Variants in DOCK10 observed in about 807,000 individuals in gnomAD.
The protein encoded by DOCK10 is dedicator of cytokinesis 10.
In DOCK10, 145 loss-of-function variants were observed where a neutral mutation model predicts 280.1. The observed-to-expected ratio is 0.52, with a 90% CI of 0.45 to 0.59. DOCK10 has a LOEUF of 0.59. DOCK10 is among the 20% of genes least tolerant of loss of function. The pLI, the probability that DOCK10 is intolerant of heterozygous loss-of-function variation, is 0.00. For missense variants in DOCK10, 2,368 were observed against 2,651.7 expected (o/e 0.89, Z 2.35); for synonymous variants, 915 against 942.2 (o/e 0.97, Z 0.53).
At chr2:224,885,502 C>T (rs563580626) in intron 7 of DOCK10, among the ~76,000 whole-genome samples, 169 bp downstream of exon 7, 2 of 152,196 alleles carry the variant, frequency 1.3e-5, no homozygotes, top group African/African-American at 4.8e-5. Context: ...TTTTCTTTCT[C>T]TCTGGAAAGT....
intron 27 of DOCK10, among the ~76,000 whole-genome samples, chr2:224,828,277 G>A (rs1305731080): frequency 6.6e-6 from 1 of 152,176 alleles, no homozygotes; most frequent in African/African-American, 2.4e-5. Flanking sequence ...CAGAAAGTAA[G>A]GGCAGGTAAC....
chr2:224,813,429 C>T (rs1459931023), intron 31 of DOCK10, among the ~76,000 whole-genome samples: 1 of 152,162 alleles, frequency 6.6e-6, no homozygotes, highest in East Asian at 1.9e-4. Flanking sequence ...CTCCTGGCCT[C>T]AAGTGATCTG....
chr2:224,791,426 C>T (rs1378940367), intron 47 of DOCK10, among the ~76,000 whole-genome samples: 2 of 151,944 alleles, frequency 1.3e-5, no homozygotes, highest in Non-Finnish European at 2.9e-5. Context: ...AACAAGTGAC[C>T]TCACTGTCTC....
At chr2:224,985,392 T>G (rs1048385687) in intron 1 of DOCK10, among the ~76,000 whole-genome samples, 2 of 151,414 alleles carry the variant, frequency 1.3e-5, no homozygotes, top group African/African-American at 4.8e-5. Flanking sequence ...TTATTGTATG[T>G]TATTTCATAT....
At chr2:225,013,742 T>A (rs1304097674) in intron 1 of DOCK10, among the ~76,000 whole-genome samples, 1 of 152,158 alleles carries the variant, frequency 6.6e-6, no homozygotes, top group Non-Finnish European at 1.5e-5. Context: ...TACTGCCAGT[T>A]TTTGAAACAG....
chr2:224,825,919 T>A (rs1434857472), intron 27 of DOCK10, among the ~76,000 whole-genome samples: 1 of 152,148 alleles, frequency 6.6e-6, no homozygotes, highest in Non-Finnish European at 1.5e-5. Flanking sequence ...CTGGGATGCA[T>A]GGGCAGAACT....
intron 29 of DOCK10, among the ~76,000 whole-genome samples, chr2:224,819,240 A>G (rs1400531943): frequency 6.6e-6 from 1 of 152,136 alleles, no homozygotes; most frequent in Non-Finnish European, 1.5e-5. Context: ...AAATGTAAAC[A>G]CTTTCATTCC....
At chr2:224,783,829 G>C (rs1691536578) in intron 50 of DOCK10, among the ~76,000 whole-genome samples, 1 of 152,052 alleles carries the variant, frequency 6.6e-6, no homozygotes, top group Non-Finnish European at 1.5e-5. Context: ...GGTATGGTAT[G>C]AATGTGGGAA....
At chr2:224,779,945 C>A (rs1295332780) in intron 50 of DOCK10, among the ~76,000 whole-genome samples, 1 of 152,104 alleles carries the variant, frequency 6.6e-6, no homozygotes, top group African/African-American at 2.4e-5. Context: ...ACATTGCATG[C>A]CCAGTGTTTA....
chr2:224,797,714 T>G (rs1213693992), intron 42 of DOCK10, 118 bp downstream of exon 42: 13 of 1,226,484 alleles, frequency 1.1e-5, no homozygotes, highest in Non-Finnish European at 6.8e-6. Flanking sequence ...AAACCCAAAT[T>G]GAAGAAAACA....
chr2:224,804,000 ATG>A (rs71062961), intron 39 of DOCK10, 110 bp downstream of exon 39: 97,935 of 444,846 alleles, frequency 0.22, 4,362 homozygotes, highest in African/African-American at 0.42. Context: ...AAATAGAAAT[ATG>A]TGTGTGTGTG....
intron 1 of DOCK10, among the ~76,000 whole-genome samples, chr2:225,000,199 CACACAG>C (rs1706391700): frequency 8.0e-6 from 1 of 125,632 alleles, no homozygotes; most frequent in African/African-American, 2.8e-5. Context: ...GTCACACACA[CACACAG>C]ACACACACAC....
Position 224,852,456 on chromosome 2 carries a change from G to C in DOCK10, c.2077-14C>G, listed in dbSNP as rs1400692095. On this transcript the variant is annotated splice_polypyrimidine_tract_variant and intron_variant, in intron 17 of 55. Coordinates refer to ENST00000258390, the MANE Select transcript of DOCK10 (RefSeq NM_014689.3). Reference sequence around the variant, plus strand: ...TATATTCCGTGCCTGAAATTACGGAGAGAAAAAATGGAAATTGTAATTTCC... The same window carrying C: ...TATATTCCGTGCCTGAAATTACGGACAGAAAAAATGGAAATTGTAATTTCC... The C allele has an allele frequency of 6.5e-7, 1 of 1,544,754 alleles. No homozygotes were observed. The highest frequency in any genetic ancestry group is 1.4e-5 in the African/African-American group (1 of 72,956).
At chr2:225,000,446 C>A (rs1706402103) in intron 1 of DOCK10, among the ~76,000 whole-genome samples, 1 of 152,184 alleles carries the variant, frequency 6.6e-6, no homozygotes, top group African/African-American at 2.4e-5. Context: ...GTTGAGTTCT[C>A]TAGCAAAGGA....
At chr2:224,844,912 T>C in intron 21 of DOCK10, 73 bp from the exon 22 acceptor site, 1 of 1,111,314 alleles carries the variant, frequency 9.0e-7, no homozygotes, top group Non-Finnish European at 1.3e-6. Context: ...GTTTAGTTTA[T>C]GTTAATGTGC....
At chr2:224,920,459 A>G (rs1207687157) in intron 2 of DOCK10, among the ~76,000 whole-genome samples, 1 of 152,132 alleles carries the variant, frequency 6.6e-6, no homozygotes, top group Non-Finnish European at 1.5e-5. Flanking sequence ...GATAAATAGT[A>G]AATAAACTAT....
intron 1 of DOCK10, among the ~76,000 whole-genome samples, chr2:225,021,861 G>A (rs1422260177): frequency 6.6e-6 from 1 of 152,130 alleles, no homozygotes; most frequent in East Asian, 1.9e-4. Flanking sequence ...CAGTTTTTTG[G>A]GGAGGCACTT....
chr2:224,956,172 T>C (rs561654200), intron 1 of DOCK10, among the ~76,000 whole-genome samples: 4 of 152,324 alleles, frequency 2.6e-5, no homozygotes, highest in African/African-American at 7.2e-5. Context: ...ACCTGGACAA[T>C]AGTAGGACTT....
chr2:224,958,062 C>T (rs1704156034), intron 1 of DOCK10, among the ~76,000 whole-genome samples: 1 of 152,196 alleles, frequency 6.6e-6, no homozygotes, highest in African/African-American at 2.4e-5. Flanking sequence ...TCCCTAACCT[C>T]TCTGGAAATG....
Sources: allele counts gnomAD v4.1 joint callset (sites outside exome capture counted in the v4.1 genomes callset), GRCh38; gene constraint gnomAD v4.1.1; transcripts MANE v1.5; gene names NCBI Gene and HGNC (gene_info 2026-07-23, HGNC 2026-07-21).